Variants in UBE3C observed in about 807,000 individuals in gnomAD.
UBE3C encodes the protein ubiquitin-protein ligase E3C.
In UBE3C, 42 loss-of-function variants were observed where a neutral mutation model predicts 129.4. The ratio of observed to expected loss-of-function variants is 0.32; its 90% CI spans 0.25 to 0.42. The LOEUF is 0.42. Ranked by LOEUF, UBE3C falls within the 10% of genes least tolerant of loss-of-function variation. UBE3C has a pLI of 1.00. For synonymous variants in UBE3C, 510 were observed against 492.4 expected, an observed-to-expected ratio of 1.04 and a Z score of -0.47; for missense variants, 1,049 against 1,319.1, an observed-to-expected ratio of 0.80 and a Z score of 3.17.
intron 10 of UBE3C, among the ~76,000 whole-genome samples, chr7:157,199,842 C>T (rs534182985): frequency 2.1e-4 from 32 of 152,274 alleles, no homozygotes; most frequent in African/African-American, 7.0e-4. Flanking sequence ...AGTTACCTGT[C>T]TTAATTGGTC....
At chr7:157,214,862 A>G (rs17646960) in intron 13 of UBE3C, among the ~76,000 whole-genome samples, 13,988 of 152,198 alleles carry the variant, frequency 0.092, 871 homozygotes, top group Non-Finnish European at 0.12. Context: ...AGTTAACCAG[A>G]CAGAACTAAT....
At position 157,143,807 on chromosome 7, in the gene UBE3C, T is replaced by C. The variant is rs188320651; in HGVS notation, c.66+4469T>C. Among the ~76,000 whole-genome samples, 12 of 152,270 alleles carry C rather than the reference T, an allele frequency of 7.9e-5. No homozygotes were observed. In the East Asian group the frequency reaches 1.9e-3, roughly 25 times the overall value. ...GCTAGAGATGCAGATTTGGGGGTTATCAACAGAATGGTGGCTTCGAACACA... is the reference window on the plus strand; with the variant it reads ...GCTAGAGATGCAGATTTGGGGGTTACCAACAGAATGGTGGCTTCGAACACA... On this transcript the variant is annotated intron_variant, in intron 1 of 22. Coordinates refer to ENST00000348165, the MANE Select transcript of UBE3C (RefSeq NM_014671.3).
At chr7:157,205,162 G>A (rs887303017) in intron 11 of UBE3C, among the ~76,000 whole-genome samples, 1 of 152,236 alleles carries the variant, frequency 6.6e-6, no homozygotes. Flanking sequence ...AGAATGGTCA[G>A]CAGAGAACTA....
Position 157,182,194 on chromosome 7 carries a change from C to T in UBE3C, c.857C>T (p.Ala286Val), listed in dbSNP as rs376556506. 13 of 1,613,944 alleles carry T rather than the reference C, an allele frequency of 8.1e-6. No homozygotes were observed. In the Admixed American group the frequency reaches 1.7e-4, roughly 21 times the overall value. The change falls in exon 8 of 23, where the codon GCA becomes GTA. Residue 286 changes from alanine to valine, a missense_variant. Ala to Val is a moderately conservative substitution (Grantham distance 64, BLOSUM62 0). Coordinates refer to ENST00000348165, the MANE Select transcript of UBE3C (RefSeq NM_014671.3). ...QIFHFIIPAL[A>V]DAQTVFPYEP... is the part of the protein sequence containing the mutation. ...TTTCATTTCATCATTCCGGCGCTTG[C>T]AGATGCGCAGACCGTTTTCCCTTAC...
chr7:157,156,703 C>G (rs1443946249), intron 1 of UBE3C, among the ~76,000 whole-genome samples: 1 of 132,888 alleles, frequency 7.5e-6, no homozygotes, highest in African/African-American at 3.7e-5. Flanking sequence ...TGTGTAAATT[C>G]CCTTCTTTTT....
intron 1 of UBE3C, among the ~76,000 whole-genome samples, chr7:157,152,478 G>C (rs1018906393): frequency 5.3e-5 from 8 of 152,118 alleles, no homozygotes; most frequent in Admixed American, 4.6e-4. Flanking sequence ...ACCTGCAGTG[G>C]GCATTTTCTT....
At chr7:157,266,699 A>G (rs938776698) in intron 22 of UBE3C, among the ~76,000 whole-genome samples, 9 of 152,218 alleles carry the variant, frequency 5.9e-5, no homozygotes, top group Non-Finnish European at 8.8e-5. Flanking sequence ...AACCCGAGTA[A>G]TAGCTTGTAC....
intron 10 of UBE3C, chr7:157,198,185 A>C (rs769174749): frequency 5.3e-5 from 84 of 1,599,496 alleles, no homozygotes; most frequent in Non-Finnish European, 6.4e-5. Context: ...CTTGTAGCTG[A>C]TTTTCTCCAT....
At chr7:157,201,378 G>A (rs1809276104) in intron 10 of UBE3C, among the ~76,000 whole-genome samples, 1 of 150,922 alleles carries the variant, frequency 6.6e-6, no homozygotes, top group Non-Finnish European at 1.5e-5. Flanking sequence ...TTATAATATT[G>A]TGATATATTA....
chr7:157,139,200 C>G lies in UBE3C; in HGVS notation c.-73C>G. 8.5e-7 allele frequency: 1 copy of G among 1,182,342 alleles called. No individual in the cohort carries two copies. The highest frequency in any genetic ancestry group is 4.2e-5 in the East Asian group (1 of 23,682). 73.2% of individuals were successfully genotyped at this position (1,182,342 alleles called of 1,614,324 possible). ...GGGCGGGCGGGCGCCGAGAGCCTCC[C>G]AGCCCGCCCCGTGCCCCGCCCGCCC... On this transcript the variant is annotated 5_prime_UTR_variant, in exon 1 of 23. Transcript: ENST00000348165.
At position 157,254,246 on chromosome 7, in the gene UBE3C, A is replaced by G; in HGVS notation, c.2886A>G (p.Val962=). 3 of 1,613,172 alleles carry G rather than the reference A, an allele frequency of 1.9e-6. No homozygotes were observed. The highest frequency in any genetic ancestry group is 1.3e-5 in the African/African-American group (1 of 74,982). ...LRMFDQQEIQ[V]LISGAQVPIS... ...ATTATTTGAACTTTTTTCCTTAGGT[A>G]TTAATTTCTGGTGCACAAGTTCCCA... Residue 962 remains valine (V), a splice_region_variant and synonymous_variant, in exon 21 of 23, where the codon GTA becomes GTG. Transcript: ENST00000348165.
chr7:157,166,732 C>CAAA (rs35054342), intron 2 of UBE3C, among the ~76,000 whole-genome samples: 1 of 113,634 alleles, frequency 8.8e-6, no homozygotes, highest in Admixed American at 8.8e-5. Flanking sequence ...AACTCCGTCT[C>CAAA]AAAAAAAAAA....
chr7:157,189,756 T>C (rs6950739), intron 10 of UBE3C, among the ~76,000 whole-genome samples: 72,117 of 151,872 alleles, frequency 0.47, 19,737 homozygotes, highest in African/African-American at 0.76. Context: ...TTCTTTTTTC[T>C]CCTCTTTCTC....
chr7:157,229,315 T>G (rs1260625449), intron 17 of UBE3C, among the ~76,000 whole-genome samples: 1 of 152,172 alleles, frequency 6.6e-6, no homozygotes, highest in East Asian at 1.9e-4. Flanking sequence ...TTTTGGATTT[T>G]TGTTTGTTTG....
rs575303663 is a variant in UBE3C, at chr7:157,146,243, ATTTC to A, written c.66+6909_66+6912del. 1.4e-3 allele frequency among the ~76,000 whole-genome samples: 207 copies of A among 150,572 alleles called. 1 individual carries two copies. Among genetic ancestry groups the A allele is most frequent in the African/African-American group, 4.7e-3 (192 of 41,120 alleles). On this transcript the variant is annotated intron_variant, in intron 1 of 22. Transcript: ENST00000348165. ...CAGTTGGCTATATTTTTATGGATCTATTTCTTTTTTTTTTTTGAGACGAAGTCTC... is the reference window on the plus strand; with the variant it reads ...CAGTTGGCTATATTTTTATGGATCTATTTTTTTTTTTTGAGACGAAGTCTC...
chr7:157,173,392 T>C (rs920010560), intron 4 of UBE3C, among the ~76,000 whole-genome samples: 1 of 152,218 alleles, frequency 6.6e-6, no homozygotes, highest in Non-Finnish European at 1.5e-5. Flanking sequence ...ATAGATGCGA[T>C]AGCAATAAAT....
chr7:157,140,194 A>G (rs933375139), intron 1 of UBE3C, among the ~76,000 whole-genome samples: 5 of 151,878 alleles, frequency 3.3e-5, no homozygotes, highest in African/African-American at 1.2e-4. Flanking sequence ...CATTTCTGAA[A>G]TGTTCTTTAA....
intron 10 of UBE3C, among the ~76,000 whole-genome samples, chr7:157,194,771 CA>C (rs1223402021): frequency 3.3e-5 from 5 of 152,092 alleles, no homozygotes; most frequent in Non-Finnish European, 7.4e-5. Flanking sequence ...TACATAGTGG[CA>C]AAAAGCTAAG....
intron 1 of UBE3C, among the ~76,000 whole-genome samples, chr7:157,152,971 G>T (rs1478986129): frequency 1.3e-5 from 2 of 152,130 alleles, no homozygotes; most frequent in African/African-American, 4.8e-5. Context: ...TGAGGGGGGT[G>T]GATTGCCTGA....
Sources: gnomAD v4.1 joint callset for allele counts (sites outside exome capture counted in the v4.1 genomes callset) on GRCh38, gnomAD v4.1.1 for gene constraint, MANE v1.5 for transcripts, NCBI Gene and HGNC (gene_info 2026-07-23, HGNC 2026-07-21) for gene names.